Variants in PTPRT observed in about 807,000 individuals in gnomAD.
PTPRT encodes the protein receptor-type tyrosine-protein phosphatase T.
A neutral mutation model predicts 176.8 loss-of-function variants in PTPRT; 56 were observed. The observed-to-expected ratio is 0.32, with a 90% CI of 0.26 to 0.40. The LOEUF (loss-of-function observed/expected upper bound fraction) is 0.40, where lower values mean the gene tolerates loss of function less well. Ranked by LOEUF, PTPRT falls within the 10% of genes least tolerant of loss-of-function variation. The pLI is 1.00. For missense variants in PTPRT, 1,540 were observed against 1,908.2 expected, an observed-to-expected ratio of 0.81 and a Z score of 3.60; for synonymous variants, 783 against 739.0, an observed-to-expected ratio of 1.06 and a Z score of -0.96.
intron 27 of PTPRT, among the ~76,000 whole-genome samples, chr20:42,094,966 A>C (rs1385904223): frequency 3.3e-5 from 5 of 152,288 alleles, no homozygotes; most frequent in Admixed American, 2.0e-4. Context: ...CCTGACCTCA[A>C]GTGATCCTGC....
At chr20:42,715,332 C>T (rs2076207202) in intron 6 of PTPRT, among the ~76,000 whole-genome samples, 2 of 151,862 alleles carry the variant, frequency 1.3e-5, no homozygotes, top group African/African-American at 4.8e-5. Context: ...GAACAGATCC[C>T]AAGATAATTC....
chr20:42,097,368 T>A (rs1311227679), intron 27 of PTPRT, among the ~76,000 whole-genome samples: 1 of 152,230 alleles, frequency 6.6e-6, no homozygotes, highest in African/African-American at 2.4e-5. Flanking sequence ...CTGCCTCGCC[T>A]TTGCCTCTGC....
intron 15 of PTPRT, among the ~76,000 whole-genome samples, chr20:42,211,457 AC>A (rs1346489190): frequency 6.6e-6 from 1 of 151,394 alleles, no homozygotes; most frequent in African/African-American, 2.4e-5. Context: ...CAAGAAAAAA[AC>A]AAACAACCCC....
At chr20:42,889,005 T>TA (rs2079148219) in intron 1 of PTPRT, among the ~76,000 whole-genome samples, 2 of 152,212 alleles carry the variant, frequency 1.3e-5, no homozygotes, top group Non-Finnish European at 2.9e-5. Flanking sequence ...GCTATACCTC[T>TA]AGGCATCCCA....
chr20:42,643,615 C>T (rs2074816442), intron 7 of PTPRT, among the ~76,000 whole-genome samples: 1 of 151,678 alleles, frequency 6.6e-6, no homozygotes, highest in African/African-American at 2.4e-5. Flanking sequence ...CCATGCCCAG[C>T]TACCTTCACT....
chr20:42,426,047 G>T (rs944950884), intron 9 of PTPRT, among the ~76,000 whole-genome samples: 1 of 152,130 alleles, frequency 6.6e-6, no homozygotes, highest in Non-Finnish European at 1.5e-5. Flanking sequence ...TATGGTTCGT[G>T]AAAGTTGTCT....
At chr20:42,833,450 G>A (rs1371942251) in intron 2 of PTPRT, among the ~76,000 whole-genome samples, 1 of 151,738 alleles carries the variant, frequency 6.6e-6, no homozygotes, top group Non-Finnish European at 1.5e-5. Flanking sequence ...AGTGGGGCAT[G>A]TGCCTATAGT....
chr20:42,463,206 A>G (rs999673616), intron 8 of PTPRT, among the ~76,000 whole-genome samples: 3 of 152,002 alleles, frequency 2.0e-5, no homozygotes, highest in Non-Finnish European at 4.4e-5. Flanking sequence ...TTGTAAAAAG[A>G]CTTCTCGGCA....
At chr20:42,448,124 C>G (rs985851900) in intron 9 of PTPRT, 96 bp downstream of exon 9, 2 of 973,838 alleles carry the variant, frequency 2.1e-6, no homozygotes, top group African/African-American at 3.2e-5. Flanking sequence ...TCTTACTCAC[C>G]TTTATACGTT....
At chr20:43,162,341 A>C (rs1401776052) in intron 1 of PTPRT, among the ~76,000 whole-genome samples, 3 of 152,206 alleles carry the variant, frequency 2.0e-5, no homozygotes, top group Non-Finnish European at 4.4e-5. Context: ...ACAACCTTAT[A>C]ACGCGGATCT....
chr20:43,187,020 G>T (rs76159107), intron 1 of PTPRT, among the ~76,000 whole-genome samples: 6,493 of 152,176 alleles, frequency 0.043, 192 homozygotes, highest in Non-Finnish European at 0.067. Flanking sequence ...TGTTTCTAAA[G>T]GTTTTTTGTT....
At chr20:42,069,229 G>A (rs546658193), downstream of PTPRT, among the ~76,000 whole-genome samples, 1 of 152,318 alleles carries the variant, frequency 6.6e-6, no homozygotes, top group East Asian at 1.9e-4. Flanking sequence ...TTGTTCTATG[G>A]CATGAGGCCA....
At chr20:42,544,928 C>T (rs2072647569) in intron 7 of PTPRT, among the ~76,000 whole-genome samples, 3 of 152,190 alleles carry the variant, frequency 2.0e-5, no homozygotes, top group Admixed American at 2.0e-4. Flanking sequence ...TGCTAGGCTA[C>T]TGGTGTGAGC....
chr20:42,884,928 G>A (rs369414133), intron 2 of PTPRT, among the ~76,000 whole-genome samples: 2 of 151,990 alleles, frequency 1.3e-5, no homozygotes, highest in Admixed American at 6.6e-5. Context: ...TGCACCTTAC[G>A]CAGGTATACC....
chr20:42,528,259 A>C, intron 7 of PTPRT, among the ~76,000 whole-genome samples: 1 of 152,184 alleles, frequency 6.6e-6, no homozygotes, highest in East Asian at 1.9e-4. Context: ...TTATTTGGGT[A>C]GCTTTCACAG....
intron 9 of PTPRT, among the ~76,000 whole-genome samples, chr20:42,388,010 T>C (rs1356562981): frequency 6.6e-6 from 1 of 152,112 alleles, no homozygotes; most frequent in Non-Finnish European, 1.5e-5. Context: ...CAGGCTCGTC[T>C]CGAACTCCTG....
chr20:42,813,026 C>T (rs1423480329), intron 2 of PTPRT, among the ~76,000 whole-genome samples: 1 of 152,126 alleles, frequency 6.6e-6, no homozygotes, highest in Non-Finnish European at 1.5e-5. Flanking sequence ...CACTCTATTT[C>T]ATCTGTATTC....
At position 43,042,377 on chromosome 20, in the gene PTPRT, T is replaced by TACAC. The variant is rs11472280; in HGVS notation, c.88+147268_88+147269insGTGT. 1.5e-3 allele frequency among the ~76,000 whole-genome samples: 229 copies of TACAC among 151,698 alleles called. 1 individual carries two copies. The highest frequency in any genetic ancestry group is 5.0e-3 in the African/African-American group (205 of 41,206). ...CTAACCAGGCAGCACACTTAGACACTATCATCTCCCAAAGCCAAACTTGTC... is the reference window on the plus strand; with the variant it reads ...CTAACCAGGCAGCACACTTAGACACTACACATCATCTCCCAAAGCCAAACTTGTC... On this transcript the variant is annotated intron_variant, in intron 1 of 30. Transcript: ENST00000373187.
chr20:43,148,301 G>A (rs866020486), intron 1 of PTPRT, among the ~76,000 whole-genome samples: 1 of 152,032 alleles, frequency 6.6e-6, no homozygotes, highest in African/African-American at 2.4e-5. Context: ...ACCCTCCATC[G>A]CATCCCTGGG....
Sources: allele counts gnomAD v4.1 joint callset (sites outside exome capture counted in the v4.1 genomes callset), GRCh38; gene constraint gnomAD v4.1.1; transcripts MANE v1.5; gene names NCBI Gene and HGNC (gene_info 2026-07-23, HGNC 2026-07-21).